LHFPL3: variants seen among roughly 807,000 people sequenced by gnomAD.
LHFPL3 encodes LHFPL tetraspan subfamily member 3 protein.
A neutral mutation model predicts 19.3 loss-of-function variants in LHFPL3; 5 were observed. That is an observed-to-expected ratio of 0.26 (90% CI 0.14 to 0.54). The LOEUF is 0.54. Ranked by LOEUF, LHFPL3 falls within the 20% of genes least tolerant of loss-of-function variation. The pLI is 0.94. For missense variants in LHFPL3, 249 were observed against 307.4 expected (o/e 0.81, Z 1.42); for synonymous variants, 133 against 126.2 (o/e 1.05, Z -0.36).
At chr7:104,878,232 A>G (rs1397741730) in intron 2 of LHFPL3, among the ~76,000 whole-genome samples, 1 of 151,682 alleles carries the variant, frequency 6.6e-6, no homozygotes, top group East Asian at 1.9e-4. Context: ...CCTCATATTT[A>G]TTGCAGTTCA....
rs372258473 is a variant in LHFPL3 at position 104,397,485 on chromosome 7, G to A, written c.445+68261G>A. Among the ~76,000 whole-genome samples, 39 of 152,262 alleles carry A rather than the reference G, an allele frequency of 2.6e-4. No individual in the cohort carries two copies. The East Asian group carries it at 5.0e-3, about 20-fold the overall frequency. ...TATTCCTGGGGATTCATGGTTCATC[G>A]TTGTGGAGACAGAATAGAAACATGT... On this transcript the variant is annotated intron_variant, in intron 1 of 2. Transcript: ENST00000424859.
intron 2 of LHFPL3, among the ~76,000 whole-genome samples, chr7:104,755,677 GTTGT>G (rs1472070556): frequency 2.6e-5 from 4 of 151,796 alleles, no homozygotes; most frequent in African/African-American, 7.3e-5. Context: ...GTGTTTGTTT[GTTGT>G]TTGTTTCTTT....
At chr7:104,551,104 C>T (rs1794654655) in intron 1 of LHFPL3, among the ~76,000 whole-genome samples, 1 of 141,798 alleles carries the variant, frequency 7.1e-6, no homozygotes, top group African/African-American at 2.8e-5. Context: ...TGGCCCCAAA[C>T]TCATCCTTGT....
At chr7:104,640,067 T>G (rs1312784593) in intron 1 of LHFPL3, among the ~76,000 whole-genome samples, 1 of 152,202 alleles carries the variant, frequency 6.6e-6, no homozygotes, top group Non-Finnish European at 1.5e-5. Flanking sequence ...TAAATGACAT[T>G]GGGTTTCCTA....
At position 104,797,288 on chromosome 7, in the gene LHFPL3, G is replaced by A. The variant is rs530447125; in HGVS notation, c.682+60377G>A. On this transcript the variant is annotated intron_variant, in intron 2 of 2. Coordinates refer to ENST00000424859, the MANE Select transcript of LHFPL3 (RefSeq NM_199000.3). ...TTCCCACCTTCCTGGCACATGATAGGATTGTACCTCCTGGCTCTTAGTGGC... is the reference window on the plus strand; with the variant it reads ...TTCCCACCTTCCTGGCACATGATAGAATTGTACCTCCTGGCTCTTAGTGGC... 3.3e-5 allele frequency among the ~76,000 whole-genome samples: 5 copies of A among 152,316 alleles called. No homozygotes were observed. The East Asian group carries it at 9.6e-4, about 29-fold the overall frequency.
intron 1 of LHFPL3, among the ~76,000 whole-genome samples, chr7:104,611,989 A>C (rs1791221593): frequency 6.7e-6 from 1 of 150,086 alleles, no homozygotes. Flanking sequence ...GTAAGTGCTC[A>C]AAAACGTCTT....
At chr7:104,605,513 ATAAT>A (rs1233810325) in intron 1 of LHFPL3, among the ~76,000 whole-genome samples, 1 of 152,222 alleles carries the variant, frequency 6.6e-6, no homozygotes, top group Non-Finnish European at 1.5e-5. Context: ...TGGTCACAGA[ATAAT>A]TAATGAAAAA....
intron 1 of LHFPL3, among the ~76,000 whole-genome samples, chr7:104,406,025 T>C (rs41391552): frequency 0.037 from 5,689 of 152,326 alleles, 305 homozygotes; most frequent in East Asian, 0.16. Flanking sequence ...CTTGAGTGTA[T>C]CTGACCAAGA....
intron 2 of LHFPL3, among the ~76,000 whole-genome samples, chr7:104,875,642 T>C (rs1299988189): frequency 6.6e-6 from 1 of 152,202 alleles, no homozygotes; most frequent in African/African-American, 2.4e-5. Context: ...TAGAGGAGAT[T>C]TGTCAGACCT....
chr7:104,622,566 C>A (rs1039234867), intron 1 of LHFPL3, among the ~76,000 whole-genome samples: 2 of 151,956 alleles, frequency 1.3e-5, no homozygotes, highest in African/African-American at 2.4e-5. Flanking sequence ...AATCTCCATC[C>A]CCCCCAAAAA....
intron 1 of LHFPL3, among the ~76,000 whole-genome samples, chr7:104,735,651 C>A (rs974326248): frequency 4.6e-5 from 7 of 152,242 alleles, no homozygotes; most frequent in African/African-American, 1.7e-4. Flanking sequence ...AATTCCCTGA[C>A]CCCTTGCACT....
chr7:104,388,393 T>TGTATATG (rs1415124237), intron 1 of LHFPL3, among the ~76,000 whole-genome samples: 172 of 152,206 alleles, frequency 1.1e-3, no homozygotes, highest in African/African-American at 4.0e-3. Context: ...GTAAAAGGGA[T>TGTATATG]CCTCAATAAG....
chr7:104,553,814 A>G (rs1794706189), intron 1 of LHFPL3, among the ~76,000 whole-genome samples: 1 of 152,182 alleles, frequency 6.6e-6, no homozygotes, highest in African/African-American at 2.4e-5. Flanking sequence ...AAACACTGAA[A>G]CTTAATTAGT....
At chr7:104,353,192 A>G (rs1035010954) in intron 1 of LHFPL3, among the ~76,000 whole-genome samples, 4 of 152,270 alleles carry the variant, frequency 2.6e-5, no homozygotes, top group Non-Finnish European at 5.9e-5. Flanking sequence ...CCAGCATATC[A>G]TGAACCAGAC....
intron 2 of LHFPL3, among the ~76,000 whole-genome samples, chr7:104,878,625 G>A (rs1478787089): frequency 2.6e-5 from 4 of 152,054 alleles, no homozygotes; most frequent in African/African-American, 7.2e-5. Flanking sequence ...CAATTAATAA[G>A]CCTACTTAAG....
At chr7:104,447,996 A>G (rs1046165007) in intron 1 of LHFPL3, among the ~76,000 whole-genome samples, 1 of 152,222 alleles carries the variant, frequency 6.6e-6, no homozygotes, top group African/African-American at 2.4e-5. Context: ...TTCTACTCCT[A>G]TGTAAGAAAT....
At chr7:104,647,795 G>A (rs1791958113) in intron 1 of LHFPL3, among the ~76,000 whole-genome samples, 1 of 152,146 alleles carries the variant, frequency 6.6e-6, no homozygotes, top group Non-Finnish European at 1.5e-5. Flanking sequence ...AAGAGGAAGG[G>A]GCAGCTTCTG....
chr7:104,330,666 C>G (rs1801550453), intron 1 of LHFPL3, among the ~76,000 whole-genome samples: 1 of 152,078 alleles, frequency 6.6e-6, no homozygotes, highest in Non-Finnish European at 1.5e-5. Flanking sequence ...GTAGAGACTC[C>G]CTCCTTTACA....
At chr7:104,438,699 A>G (rs1057063611) in intron 1 of LHFPL3, among the ~76,000 whole-genome samples, 8 of 152,190 alleles carry the variant, frequency 5.3e-5, no homozygotes, top group South Asian at 2.1e-4. Flanking sequence ...AGGTAAAAAA[A>G]AAGATAAGCA....
Sources: gnomAD v4.1 joint callset for allele counts (sites outside exome capture counted in the v4.1 genomes callset) on GRCh38, gnomAD v4.1.1 for gene constraint, MANE v1.5 for transcripts, NCBI Gene and HGNC (gene_info 2026-07-23, HGNC 2026-07-21) for gene names.